Variants in P2RY14 observed in about 807,000 individuals in gnomAD.
The protein encoded by P2RY14 is P2Y purinoceptor 14.
Under a neutral mutation model 0.9 loss-of-function variants are expected in P2RY14, and 2 were observed. The observed-to-expected ratio is 2.16, with a 90% confidence interval of 0.88 to 6.79. The LOEUF is 6.79. Among genes scored for constraint, P2RY14 ranks in the 30% most tolerant of loss-of-function variants. The pLI is 0.05. For synonymous variants in P2RY14, 158 were observed against 147.2 expected (o/e 1.07, Z -0.53); for missense variants, 378 against 400.1 (o/e 0.94, Z 0.47).
intron 1 of P2RY14, among the ~76,000 whole-genome samples, chr3:151,234,076 T>A (rs541631746): frequency 6.6e-6 from 1 of 152,344 alleles, no homozygotes; most frequent in South Asian, 2.1e-4. Context: ...ATTTTAACTT[T>A]TAGGTGTATG....
chr3:151,230,118 C>T (rs747567970), intron 1 of P2RY14, among the ~76,000 whole-genome samples: 10 of 152,024 alleles, frequency 6.6e-5, no homozygotes, highest in Non-Finnish European at 4.4e-5. Flanking sequence ...TACAGGTGCC[C>T]GCCACCACGC....
chr3:151,247,959 CTTCTTTTTTT>C (rs1736025861), intron 1 of P2RY14, among the ~76,000 whole-genome samples: 1 of 65,454 alleles, frequency 1.5e-5, no homozygotes, highest in Non-Finnish European at 2.8e-5. Flanking sequence ...TCTTCTTCTT[CTTCTTTTTTT>C]TTTTTTTTTT....
chr3:151,276,919 C>A (rs1344506844), intron 1 of P2RY14, among the ~76,000 whole-genome samples: 3 of 152,128 alleles, frequency 2.0e-5, no homozygotes, highest in Admixed American at 1.3e-4. Context: ...GTTTTTGAGA[C>A]AGGGTCTCAC....
At chr3:151,256,564 T>G (rs1737845973) in intron 1 of P2RY14, among the ~76,000 whole-genome samples, 1 of 152,160 alleles carries the variant, frequency 6.6e-6, no homozygotes, top group African/African-American at 2.4e-5. Flanking sequence ...TTTTTCCTAA[T>G]GTAGGCAAAA....
intron 1 of P2RY14, among the ~76,000 whole-genome samples, chr3:151,226,314 G>A (rs1390606012): frequency 6.6e-6 from 1 of 152,246 alleles, no homozygotes; most frequent in East Asian, 1.9e-4. Flanking sequence ...TGACACGAGA[G>A]GCTGTCACAG....
chr3:151,229,947 A>C (rs1339121044), intron 1 of P2RY14, among the ~76,000 whole-genome samples: 1 of 152,008 alleles, frequency 6.6e-6, no homozygotes, highest in Non-Finnish European at 1.5e-5. Context: ...TCCTAGGCTC[A>C]CATGTTGGGA....
intron 1 of P2RY14, among the ~76,000 whole-genome samples, chr3:151,228,006 A>G (rs1226021800): frequency 6.6e-6 from 1 of 152,198 alleles, no homozygotes; most frequent in Non-Finnish European, 1.5e-5. Flanking sequence ...AATGGTAGGT[A>G]TGTTTCAGAT....
intron 1 of P2RY14, among the ~76,000 whole-genome samples, chr3:151,233,591 G>A (rs1012355008): frequency 6.6e-6 from 1 of 152,164 alleles, no homozygotes; most frequent in Non-Finnish European, 1.5e-5. Context: ...AAATTAGCTG[G>A]GCGTGGTGGC....
chr3:151,248,559 A>T (rs1266200350), intron 1 of P2RY14, among the ~76,000 whole-genome samples: 1 of 152,102 alleles, frequency 6.6e-6, no homozygotes, highest in Non-Finnish European at 1.5e-5. Context: ...TTTTGTCACT[A>T]CCCACATACC....
rs892093655 is a variant in P2RY14 at position 151,273,521 on chromosome 3, G to A, written c.-133+4766C>T. Among the ~76,000 whole-genome samples the A allele has an allele frequency of 5.9e-5, 9 of 151,684 alleles. No individual in the cohort carries two copies. The East Asian group carries it at 1.4e-3, about 23-fold the overall frequency. On this transcript the variant is annotated intron_variant, in intron 1 of 2. Transcript: ENST00000309170. ...CTCCCAAAGTGTTGGGATTACAGGC[G>A]TGAGCCACTGCGCCCGGCCTGATTG...
chr3:151,248,311 A>T (rs1736151978), intron 1 of P2RY14, among the ~76,000 whole-genome samples: 1 of 152,178 alleles, frequency 6.6e-6, no homozygotes, highest in Non-Finnish European at 1.5e-5. Context: ...CATTAAATCC[A>T]TACCAGTGAC....
intron 1 of P2RY14, chr3:151,261,273 G>T (rs542066205): frequency 2.0e-5 from 3 of 152,122 alleles, no homozygotes; most frequent in African/African-American, 7.2e-5. Context: ...CAGAGGTGGA[G>T]ATACATTCAC....
At chr3:151,228,674 G>A (rs1731016022) in intron 1 of P2RY14, among the ~76,000 whole-genome samples, 1 of 152,106 alleles carries the variant, frequency 6.6e-6, no homozygotes, top group Non-Finnish European at 1.5e-5. Context: ...TATGTATGAA[G>A]TCCAGAGTGT....
In P2RY14 at chr3:151,237,350, CTT is replaced by C. The variant is rs57239604; in HGVS notation, c.-132-17710_-132-17709del. Among the ~76,000 whole-genome samples, 445 of 94,638 alleles carry C rather than the reference CTT, an allele frequency of 4.7e-3. 6 individuals carry two copies. The highest frequency in any genetic ancestry group is 0.017 in the African/African-American group (414 of 24,200). The allele number at this position is 94,638 out of a possible 152,430, so 62.1% of individuals were successfully genotyped here. A position where few individuals can be genotyped will look rare whatever the true frequency, so the allele number is the denominator to read the frequency against. Reference sequence around the variant, plus strand: ...ACCACGCCTGGCTTTTTTTTTTTTTCTTTTTTTTTTTTTTTTGAGACAGAGTC... The same window carrying C: ...ACCACGCCTGGCTTTTTTTTTTTTTCTTTTTTTTTTTTTTGAGACAGAGTC... On this transcript the variant is annotated intron_variant, in intron 1 of 2. Transcript: ENST00000309170.
chr3:151,267,584 AC>A (rs1411017016), intron 1 of P2RY14, among the ~76,000 whole-genome samples: 2 of 152,184 alleles, frequency 1.3e-5, no homozygotes, highest in African/African-American at 4.8e-5. Flanking sequence ...TGAATTTAAA[AC>A]ATTTTTTTAA....
chr3:151,273,227 C>CTTTTTT (rs63035061), intron 1 of P2RY14, among the ~76,000 whole-genome samples: 8 of 106,168 alleles, frequency 7.5e-5, no homozygotes, highest in African/African-American at 1.0e-4. Context: ...TTGTTGTGTT[C>CTTTTTT]TTTTTTTTTT....
chr3:151,265,409 T>C (rs1221514851), intron 1 of P2RY14, among the ~76,000 whole-genome samples: 1 of 152,236 alleles, frequency 6.6e-6, no homozygotes, highest in East Asian at 1.9e-4. Context: ...GACTGATTTC[T>C]CTTTTTTGAG....
chr3:151,222,715 C>T (rs1191934548), intron 1 of P2RY14, among the ~76,000 whole-genome samples: 3 of 152,160 alleles, frequency 2.0e-5, no homozygotes, highest in East Asian at 3.8e-4. Flanking sequence ...TGAAAATGGA[C>T]TAATAAAGCA....
At chr3:151,246,242 C>A (rs1482068923) in intron 1 of P2RY14, among the ~76,000 whole-genome samples, 9 of 152,038 alleles carry the variant, frequency 5.9e-5, no homozygotes, top group African/African-American at 7.3e-5. Flanking sequence ...GCTACCAATG[C>A]CTTTCTTCAC....
Sources: gnomAD v4.1 joint callset for allele counts (sites outside exome capture counted in the v4.1 genomes callset) on GRCh38, gnomAD v4.1.1 for gene constraint, MANE v1.5 for transcripts, NCBI Gene and HGNC (gene_info 2026-07-23, HGNC 2026-07-21) for gene names.